The following CFAP299 variants were observed in gnomAD, a reference collection of about 807,000 sequenced individuals.
CFAP299 encodes cilia and flagella associated protein 299.
In CFAP299, 21 loss-of-function variants were observed where a neutral mutation model predicts 27.0. That is an observed-to-expected ratio of 0.78 (90% CI 0.55 to 1.12). The LOEUF (loss-of-function observed/expected upper bound fraction) is 1.12, where lower values mean the gene tolerates loss of function less well. Ranked by LOEUF, CFAP299 falls within the 50% of genes most tolerant of loss-of-function variation. The pLI, the probability that CFAP299 is intolerant of heterozygous loss-of-function variation, is 0.00. For synonymous variants in CFAP299, 104 were observed against 98.1 expected, an observed-to-expected ratio of 1.06 and a Z score of -0.36; for missense variants, 310 against 276.6, an observed-to-expected ratio of 1.12 and a Z score of -0.86.
intron 2 of CFAP299, among the ~76,000 whole-genome samples, chr4:80,364,929 A>G (rs975821235): frequency 6.6e-6 from 1 of 152,158 alleles, no homozygotes; most frequent in Non-Finnish European, 1.5e-5. Context: ...CCTGCAAAGG[A>G]CATCATCTCA....
At chr4:80,729,455 T>C (rs1201483470) in intron 3 of CFAP299, among the ~76,000 whole-genome samples, 2 of 152,114 alleles carry the variant, frequency 1.3e-5, no homozygotes, top group Non-Finnish European at 2.9e-5. Flanking sequence ...ACTCTGGAGA[T>C]TGTATTATAA....
chr4:80,535,946 G>A (rs970408976), intron 2 of CFAP299, among the ~76,000 whole-genome samples: 2 of 152,154 alleles, frequency 1.3e-5, no homozygotes, highest in African/African-American at 2.4e-5. Context: ...TTCAAAGGAG[G>A]ATCATCAAGC....
chr4:80,490,372 T>C (rs187166532), intron 2 of CFAP299, among the ~76,000 whole-genome samples: 12 of 152,344 alleles, frequency 7.9e-5, no homozygotes, highest in Non-Finnish European at 1.6e-4. Flanking sequence ...CTTTAAATAA[T>C]ACCTGCCTAT....
At chr4:80,370,024 A>G (rs1724054573) in intron 2 of CFAP299, among the ~76,000 whole-genome samples, 1 of 152,174 alleles carries the variant, frequency 6.6e-6, no homozygotes, top group Admixed American at 6.5e-5. Flanking sequence ...TAATTGGTTC[A>G]TGATTCTGCA....
intron 2 of CFAP299, among the ~76,000 whole-genome samples, chr4:80,488,592 G>C (rs1730948917): frequency 6.6e-6 from 1 of 151,158 alleles, no homozygotes. Flanking sequence ...TGCTGCCCCA[G>C]CCTCCCTAGT....
chr4:80,615,805 C>T (rs1338177928), intron 3 of CFAP299, among the ~76,000 whole-genome samples: 1 of 152,138 alleles, frequency 6.6e-6, no homozygotes, highest in Non-Finnish European at 1.5e-5. Flanking sequence ...TCTGCAAGCC[C>T]TTTCAGAGAA....
At chr4:80,879,574 A>C (rs904562736) in intron 4 of CFAP299, among the ~76,000 whole-genome samples, 2 of 152,058 alleles carry the variant, frequency 1.3e-5, no homozygotes, top group African/African-American at 4.8e-5. Context: ...TCATCTCTGT[A>C]TTTTCATTTG....
chr4:80,400,800 G>A (rs1050948975), intron 2 of CFAP299, among the ~76,000 whole-genome samples: 2 of 152,164 alleles, frequency 1.3e-5, no homozygotes, highest in Non-Finnish European at 2.9e-5. Flanking sequence ...CAGTTTGGAG[G>A]GCTCAGAAAA....
In CFAP299 at chr4:80,576,594, G is replaced by A. The variant is rs1188811623; in HGVS notation, c.243-6499G>A. ...AATGGTTCTGTCAGTAAATTTATCCGTGGGAAATAGAACTGTTTCTGTAAG... is the reference window on the plus strand; with the variant it reads ...AATGGTTCTGTCAGTAAATTTATCCATGGGAAATAGAACTGTTTCTGTAAG... On this transcript the variant is annotated intron_variant, in intron 2 of 5. Coordinates refer to ENST00000358105, the MANE Select transcript of CFAP299 (RefSeq NM_152770.3). 5.3e-5 allele frequency among the ~76,000 whole-genome samples: 8 copies of A among 152,066 alleles called. No individual in the cohort carries two copies. In the East Asian group the frequency reaches 9.6e-4, roughly 18 times the overall value.
At chr4:80,756,436 T>C (rs1051916715) in intron 3 of CFAP299, among the ~76,000 whole-genome samples, 1 of 152,072 alleles carries the variant, frequency 6.6e-6, no homozygotes, top group African/African-American at 2.4e-5. Flanking sequence ...TCAATACCCA[T>C]ATCAGGGGTT....
chr4:80,347,424 T>G (rs1264263556), intron 1 of CFAP299, among the ~76,000 whole-genome samples: 2 of 151,976 alleles, frequency 1.3e-5, no homozygotes, highest in African/African-American at 4.8e-5. Context: ...GATATGCAAC[T>G]TCAGCAAAGT....
intron 3 of CFAP299, among the ~76,000 whole-genome samples, chr4:80,828,232 G>A (rs1212100755): frequency 6.6e-6 from 1 of 151,834 alleles, no homozygotes; most frequent in Non-Finnish European, 1.5e-5. Context: ...GGACCTGGAA[G>A]AGCCAAAACA....
At chr4:80,525,651 G>A (rs1439862875) in intron 2 of CFAP299, among the ~76,000 whole-genome samples, 5 of 152,040 alleles carry the variant, frequency 3.3e-5, no homozygotes, top group Admixed American at 2.6e-4. Flanking sequence ...TTTCCTCCCC[G>A]GTCTCGACCC....
intron 3 of CFAP299, among the ~76,000 whole-genome samples, chr4:80,755,179 T>C (rs1725162887): frequency 6.6e-6 from 1 of 152,078 alleles, no homozygotes; most frequent in Admixed American, 6.5e-5. Flanking sequence ...TCTGATTATG[T>C]AATAGAAATA....
intron 2 of CFAP299, among the ~76,000 whole-genome samples, chr4:80,566,194 A>G (rs1208460481): frequency 6.6e-6 from 1 of 152,092 alleles, no homozygotes; most frequent in African/African-American, 2.4e-5. Flanking sequence ...CTTGGAGTCA[A>G]ACTTATATCC....
intron 3 of CFAP299, among the ~76,000 whole-genome samples, chr4:80,620,767 G>A (rs1738553097): frequency 6.6e-6 from 1 of 152,098 alleles, no homozygotes; most frequent in Non-Finnish European, 1.5e-5. Context: ...TGGCTTTTGA[G>A]TAAAGCAGAT....
intron 1 of CFAP299, among the ~76,000 whole-genome samples, chr4:80,351,341 C>T (rs1043685523): frequency 3.3e-5 from 5 of 151,996 alleles, no homozygotes; most frequent in African/African-American, 9.7e-5. Context: ...TATGAAACAA[C>T]AATAGCACAA....
chr4:80,770,584 G>C (rs1342670160), intron 3 of CFAP299, among the ~76,000 whole-genome samples: 1 of 152,158 alleles, frequency 6.6e-6, no homozygotes, highest in African/African-American at 2.4e-5. Context: ...CAAGAGACGT[G>C]TGTCCTTTCA....
chr4:80,662,905 C>T (rs568252899), intron 3 of CFAP299, among the ~76,000 whole-genome samples: 1 of 151,812 alleles, frequency 6.6e-6, no homozygotes, highest in South Asian at 2.1e-4. Context: ...CCAAGTGCTG[C>T]AAAAGCCTCA....
Sources: allele counts gnomAD v4.1 joint callset (sites outside exome capture counted in the v4.1 genomes callset), GRCh38; gene constraint gnomAD v4.1.1; transcripts MANE v1.5; gene names NCBI Gene and HGNC (gene_info 2026-07-23, HGNC 2026-07-21).